DDO: variants seen among roughly 807,000 people sequenced by gnomAD.
DDO encodes the protein D-aspartate oxidase, DDO.
Under a neutral mutation model 16.8 loss-of-function variants are expected in DDO, and 16 were observed. The ratio of observed to expected loss-of-function variants is 0.95; its 90% CI spans 0.65 to 1.45. DDO has a LOEUF of 1.45. Ranked by LOEUF, DDO falls within the 40% of genes most tolerant of loss-of-function variation. The pLI is 0.00. For missense variants in DDO, 429 were observed against 420.3 expected (o/e 1.02, Z -0.18); for synonymous variants, 180 against 167.2 (o/e 1.08, Z -0.59).
At chr6:110,408,238 G>A in intron 3 of DDO, 96 bp downstream of exon 3, 3 of 1,162,512 alleles carry the variant, frequency 2.6e-6, no homozygotes, top group South Asian at 1.4e-5. Context: ...TCAGCACTCT[G>A]CTCACAACAG....
chr6:110,406,371 GC>G (rs1322327813), intron 3 of DDO, among the ~76,000 whole-genome samples: 1 of 151,988 alleles, frequency 6.6e-6, no homozygotes, highest in Non-Finnish European at 1.5e-5. Context: ...AGGTGCTAAT[GC>G]CAGAAACCCA....
chr6:110,405,218 T>C, intron 3 of DDO, among the ~76,000 whole-genome samples: 1 of 152,116 alleles, frequency 6.6e-6, no homozygotes, highest in Non-Finnish European at 1.5e-5. Context: ...TAAAATTATT[T>C]GTAGAGCCAG....
chr6:110,390,661 C>A (rs75342722), downstream of DDO, among the ~76,000 whole-genome samples: 1,143 of 152,314 alleles, frequency 7.5e-3, 10 homozygotes, highest in South Asian at 0.028. Context: ...GAACCACAGG[C>A]ATAGTGAACA....
intron 2 of DDO, among the ~76,000 whole-genome samples, chr6:110,409,516 G>C (rs1260442698): frequency 6.6e-6 from 1 of 152,208 alleles, no homozygotes; most frequent in Non-Finnish European, 1.5e-5. Flanking sequence ...GAGACATCCT[G>C]CTTCCCAGGT....
At chr6:110,413,249 C>T (rs1254471669) in intron 2 of DDO, 42 bp downstream of exon 2, 16 of 1,595,144 alleles carry the variant, frequency 1.0e-5, no homozygotes, top group Non-Finnish European at 1.4e-5. Context: ...ATCATTCTAT[C>T]TGACATCTAT....
chr6:110,398,411 C>A (rs1427644446), intron 4 of DDO, among the ~76,000 whole-genome samples: 2,517 of 150,350 alleles, frequency 0.017, 74 homozygotes, highest in African/African-American at 0.06. Context: ...CACACACACA[C>A]ACACACACAC....
intron 4 of DDO, among the ~76,000 whole-genome samples, chr6:110,401,109 G>T: frequency 6.6e-6 from 1 of 152,194 alleles, no homozygotes; most frequent in East Asian, 1.9e-4. Flanking sequence ...TAGAGCGAGG[G>T]TGCTTCCCGG....
chr6:110,395,344 C>T (rs1326971453), intron 4 of DDO, among the ~76,000 whole-genome samples: 1 of 152,042 alleles, frequency 6.6e-6, no homozygotes, highest in Non-Finnish European at 1.5e-5. Context: ...AAAACATTGG[C>T]TCTTCTTGAG....
chr6:110,395,420 G>A (rs1422377652), intron 4 of DDO, among the ~76,000 whole-genome samples: 1 of 151,154 alleles, frequency 6.6e-6, no homozygotes, highest in African/African-American at 2.4e-5. Flanking sequence ...CTGCTTGCCT[G>A]CCAACTCACC....
chr6:110,398,098 A>C (rs186906587), intron 4 of DDO, among the ~76,000 whole-genome samples: 96 of 152,192 alleles, frequency 6.3e-4, no homozygotes, highest in African/African-American at 2.2e-3. Context: ...AGAGAATACC[A>C]TTGTCCCAAC....
chr6:110,410,151 T>C (rs1047099953), intron 2 of DDO, among the ~76,000 whole-genome samples: 2 of 152,198 alleles, frequency 1.3e-5, no homozygotes, highest in Non-Finnish European at 2.9e-5. Context: ...CTGAATAGTG[T>C]CTAGGAAAGA....
chr6:110,400,331 G>A (rs1450416092), intron 4 of DDO, among the ~76,000 whole-genome samples: 1 of 150,656 alleles, frequency 6.6e-6, no homozygotes. Context: ...GGGAGGGTGC[G>A]CAGGAGCGGG....
intron 2 of DDO, among the ~76,000 whole-genome samples, chr6:110,409,108 C>T (rs112079717): frequency 3.3e-5 from 5 of 152,306 alleles, no homozygotes; most frequent in East Asian, 1.9e-4. Context: ...CCAGCAGGGG[C>T]GTGCAGGGAC....
chr6:110,411,728 A>C (rs556345522), intron 2 of DDO, among the ~76,000 whole-genome samples: 17 of 152,180 alleles, frequency 1.1e-4, no homozygotes, highest in African/African-American at 4.1e-4. Flanking sequence ...AGAAAGAGGG[A>C]AAAGGACTTC....
intron 4 of DDO, among the ~76,000 whole-genome samples, chr6:110,400,028 C>G (rs1021015854): frequency 6.6e-6 from 1 of 152,184 alleles, no homozygotes; most frequent in African/African-American, 2.4e-5. Flanking sequence ...CGGCCGATGG[C>G]GTTGCCGTCC....
Position 110,392,551 on chromosome 6 carries a change from C to T in DDO, c.*224G>A. 8.2e-7 allele frequency: 1 copy of T among 1,218,750 alleles called. No homozygotes were observed. Among genetic ancestry groups the T allele is most frequent in the Non-Finnish European group, 1.0e-6 (1 of 980,116 alleles). 75.5% of individuals were successfully genotyped at this position (1,218,750 alleles called of 1,614,324 possible). On this transcript the variant is annotated 3_prime_UTR_variant, in exon 5 of 5. Coordinates refer to ENST00000368924, the MANE Select transcript of DDO (RefSeq NM_001372108.2). ...ACTGGCACCTCTAAAAAATGTTACC[C>T]AGATTGCACTCAAACTCCTGGGCTC... is the stretch of plus-strand genomic sequence containing the variant.
intron 4 of DDO, 36 bp from the exon 5 acceptor site, chr6:110,393,378 G>C (rs2114806240): frequency 6.6e-7 from 1 of 1,524,962 alleles, no homozygotes; most frequent in South Asian, 1.3e-5. Context: ...ATATTTGTTA[G>C]CGACCTGATC....
chr6:110,408,591 C>G (rs922550140), intron 2 of DDO, 149 bp from the exon 3 acceptor site: 3 of 652,538 alleles, frequency 4.6e-6, no homozygotes, highest in Non-Finnish European at 7.8e-6. Context: ...ATATAAAGTG[C>G]CACATTGTGG....
intron 1 of DDO, among the ~76,000 whole-genome samples, chr6:110,413,689 C>G (rs181760991): frequency 6.6e-6 from 1 of 152,276 alleles, no homozygotes; most frequent in East Asian, 1.9e-4. Flanking sequence ...GAGAGTAACA[C>G]AAAACTGGCT....
Sources: allele counts gnomAD v4.1 joint callset (sites outside exome capture counted in the v4.1 genomes callset), GRCh38; gene constraint gnomAD v4.1.1; transcripts MANE v1.5; gene names NCBI Gene and HGNC (gene_info 2026-07-23, HGNC 2026-07-21).